The following CROCC variants were observed in gnomAD, a reference collection of about 807,000 sequenced individuals.
The protein encoded by CROCC is rootletin.
CROCC carries 180 observed loss-of-function variants against 245.2 expected under a neutral mutation model. The observed-to-expected ratio is 0.73, with a 90% CI of 0.65 to 0.83. The LOEUF is 0.83. Among genes scored for constraint, CROCC ranks in the 40% least tolerant of loss-of-function variants. The probability of loss-of-function intolerance (pLI) is 0.00; values close to 1 mark genes in which losing one functional copy is unlikely to be tolerated. For missense variants in CROCC, 2,688 were observed against 2,779.4 expected (o/e 0.97, Z 0.74); for synonymous variants, 1,205 against 1,241.6 (o/e 0.97, Z 0.62).
intron 13 of CROCC, among the ~76,000 whole-genome samples, chr1:16,942,949 TA>T (rs1229368706): frequency 1.6e-4 from 25 of 151,612 alleles, no homozygotes; most frequent in Middle Eastern, 3.4e-3. Flanking sequence ...CTACTAAAAA[TA>T]AAAAAAAATT....
Position 16,948,930 on chromosome 1 carries a change from C to T in CROCC, c.2836+4C>T, listed in dbSNP as rs76566785. ...CTGGCCAAGGAGACCCTGACTGGTACGAGGGGCTGGGGACTTGGGGGGAAC... is the reference window on the plus strand; with the variant it reads ...CTGGCCAAGGAGACCCTGACTGGTATGAGGGGCTGGGGACTTGGGGGGAAC... On this transcript the variant is annotated splice_donor_region_variant and intron_variant, in intron 19 of 36. Transcript: ENST00000375541. 3.7e-5 allele frequency: 59 copies of T among 1,611,002 alleles called. No homozygotes were observed. The highest frequency in any genetic ancestry group is 2.9e-4 in the East Asian group (13 of 44,892).
chr1:16,966,274 C>T lies in CROCC; in HGVS notation c.4697-134C>T, dbSNP rs1315092550. The T allele has an allele frequency of 1.4e-5, 20 of 1,428,332 alleles. No homozygotes were observed. Among genetic ancestry groups the T allele is most frequent in the Non-Finnish European group, 3.7e-6 (4 of 1,079,020 alleles). The allele number at this position is 1,428,332 out of a possible 1,614,324, so 88.5% of individuals were successfully genotyped here. A position where few individuals can be genotyped will look rare whatever the true frequency, so the allele number is the denominator to read the frequency against. On this transcript the variant is annotated intron_variant, in intron 29 of 36. Transcript: ENST00000375541. The surrounding 1 kb of genome is among the most constrained non-coding windows in gnomAD (Gnocchi z 4.8). ...CTCCTTGGACAGCCTCACCTGTGTG[C>T]AGGCCCGCATACTACGAAGGGTGCA... is the stretch of plus-strand genomic sequence containing the variant.
At chr1:16,921,346 C>A (rs1245488359), upstream of CROCC, among the ~76,000 whole-genome samples, 1 of 152,298 alleles carries the variant, frequency 6.6e-6, no homozygotes, top group Non-Finnish European at 1.5e-5. Context: ...TAGTTCGAGG[C>A]TCTACCACTG....
rs111474169 is a variant in CROCC, at chr1:16,953,383, C to G, written c.3088C>G (p.Arg1030Gly). 11 of 1,610,390 alleles carry G rather than the reference C, an allele frequency of 6.8e-6. No individual in the cohort carries two copies. Among genetic ancestry groups the G allele is most frequent in the South Asian group, 2.2e-5 (2 of 90,896 alleles). ...LQREQEELLARLEAEKEELSE... is the reference protein window; with the variant it reads ...LQREQEELLAGLEAEKEELSE... ...GCGTGAGCAGGAGGAGCTGCTGGCC[C>G]GGCTGGAGGCTGAGAAGGAAGAGCT... The change falls in exon 21 of 37, where the codon CGG becomes GGG. Residue 1030 changes from arginine to glycine, a missense_variant. Physicochemically the swap from Arg to Gly is moderately radical, Grantham distance 125. Coordinates refer to ENST00000375541, the MANE Select transcript of CROCC (RefSeq NM_014675.5).
At chr1:16,968,737 A>T (rs1305148034) in intron 31 of CROCC, among the ~76,000 whole-genome samples, 1 of 152,226 alleles carries the variant, frequency 6.6e-6, no homozygotes, top group African/African-American at 2.4e-5. Flanking sequence ...CTCTAACTGG[A>T]ATGTTAAATA....
intron 33 of CROCC, 120 bp downstream of exon 33, chr1:16,970,054 A>G: frequency 7.5e-7 from 1 of 1,333,304 alleles, no homozygotes; most frequent in East Asian, 2.5e-5. Flanking sequence ...GTAAGGAAAC[A>G]TGGTTCATTC....
intron 30 of CROCC, among the ~76,000 whole-genome samples, chr1:16,967,144 A>G (rs1333608006): frequency 6.6e-6 from 1 of 152,190 alleles, no homozygotes; most frequent in Non-Finnish European, 1.5e-5. Context: ...CCTAATCTGT[A>G]AAAGGAGGAG....
chr1:16,969,628 T>A (rs1406239030), intron 32 of CROCC, among the ~76,000 whole-genome samples, 157 bp from the exon 33 acceptor site: 1 of 152,138 alleles, frequency 6.6e-6, no homozygotes, highest in Non-Finnish European at 1.5e-5. Flanking sequence ...CTTATGCAGG[T>A]CAGTGGATAG....
At chr1:16,927,478 G>A (rs572982549) in intron 3 of CROCC, among the ~76,000 whole-genome samples, 155 of 152,266 alleles carry the variant, frequency 1.0e-3, no homozygotes, top group African/African-American at 3.7e-3. Flanking sequence ...TTGCCTCACC[G>A]ACACACAGAC....
chr1:16,944,006 AG>A (rs2100446618), intron 13 of CROCC, 93 bp from the exon 14 acceptor site: 1 of 1,289,446 alleles, frequency 7.8e-7, no homozygotes, highest in East Asian at 2.6e-5. Context: ...GGAAGACTGG[AG>A]GATGTAGCTC....
At chr1:16,971,882 T>G (rs1255809882) in intron 36 of CROCC, among the ~76,000 whole-genome samples, 1 of 152,214 alleles carries the variant, frequency 6.6e-6, no homozygotes, top group East Asian at 1.9e-4. Flanking sequence ...CAGGGTAGCC[T>G]TCTCCCTGGG....
At position 16,966,108 on chromosome 1, in the gene CROCC, A is replaced by C. The variant is rs558817306; in HGVS notation, c.4685A>C (p.Glu1562Ala). The part of the protein sequence containing the change: ...RARQLQKAVA[E>A]SEEARRSVDG... Reference sequence around the variant, plus strand: ...AGGCAGCTGCAGAAGGCGGTGGCTGAGAGTGAGGAAGGTGAGTCTGATCCT... The same window carrying C: ...AGGCAGCTGCAGAAGGCGGTGGCTGCGAGTGAGGAAGGTGAGTCTGATCCT... The change falls in exon 29 of 37, where the codon GAG (glutamate) becomes GCG (alanine). Residue 1562 changes from glutamate to alanine, a missense_variant. Around this residue, in one of 9 missense-constraint regions of CROCC, gnomAD observed 1,218 missense variants for 1,286.3 expected, o/e 0.95. Coordinates refer to ENST00000375541, the MANE Select transcript of CROCC (RefSeq NM_014675.5). This position sits in a 1 kb window ranked among gnomAD's most constrained non-coding sequence, Gnocchi z 4.8. The C allele has an allele frequency of 4.0e-5, 65 of 1,611,470 alleles. No homozygotes were observed. Among genetic ancestry groups the C allele is most frequent in the South Asian group, 8.8e-5 (8 of 90,894 alleles).
At position 16,954,105 on chromosome 1, in the gene CROCC, A is replaced by G. The variant is rs111385468; in HGVS notation, c.3187-118A>G. On this transcript the variant is annotated intron_variant, in intron 21 of 36. Coordinates refer to ENST00000375541, the MANE Select transcript of CROCC (RefSeq NM_014675.5). The surrounding 1 kb of genome is among the most constrained non-coding windows in gnomAD (Gnocchi z 4.4). ...GCATGTCTGCCCTGGGTCCACCTGC[A>G]GTGGCACACTCAGGCCTCTAAGCCC... 0.048 allele frequency: 49,299 copies of G among 1,017,700 alleles called. 1,387 individuals are homozygous for G. Among genetic ancestry groups the G allele is most frequent in the African/African-American group, 0.14 (8,244 of 59,098 alleles). The allele number at this position is 1,017,700 out of a possible 1,614,324, so 63.0% of individuals were successfully genotyped here.
At chr1:16,934,892 C>CTTTTTTTTTTTT (rs556637657) in intron 8 of CROCC, among the ~76,000 whole-genome samples, 4 of 128,492 alleles carry the variant, frequency 3.1e-5, no homozygotes, top group Non-Finnish European at 3.3e-5. Context: ...TCAGCAGTTT[C>CTTTTTTTTTTTT]TTTTTTTTTT....
chr1:16,954,064 G>A lies in CROCC; in HGVS notation c.3187-159G>A. 4.5e-6 allele frequency: 3 copies of A among 662,514 alleles called. No homozygotes were observed. Among genetic ancestry groups the A allele is most frequent in the South Asian group, 4.5e-5 (2 of 44,422 alleles). The allele number at this position is 662,514 out of a possible 1,614,324, so 41.0% of individuals were successfully genotyped here. ...CCGGGATTCTTGTGACTGCCGTTGT[G>A]CCCTTTTCCAGGGCTGCATGTCTGC... On this transcript the variant is annotated intron_variant, in intron 21 of 36. Transcript: ENST00000375541. The surrounding 1 kb of genome is among the most constrained non-coding windows in gnomAD (Gnocchi z 4.4).
chr1:16,931,477 G>A (rs944183424), intron 8 of CROCC, 80 bp downstream of exon 8: 28 of 1,341,670 alleles, frequency 2.1e-5, no homozygotes, highest in Non-Finnish European at 2.9e-5. Context: ...TTGAATTTCA[G>A]TTCAACTCAA....
Position 16,966,128 on chromosome 1 carries a change from G to T in CROCC, c.4696+9G>T, listed in dbSNP as rs566162452. 2 of 1,605,552 alleles carry T rather than the reference G, an allele frequency of 1.2e-6. No individual in the cohort carries two copies. The highest frequency in any genetic ancestry group is 1.7e-6 in the Non-Finnish European group (2 of 1,174,018). On this transcript the variant is annotated intron_variant, in intron 29 of 36. Coordinates refer to ENST00000375541, the MANE Select transcript of CROCC (RefSeq NM_014675.5). The surrounding 1 kb of genome is among the most constrained non-coding windows in gnomAD (Gnocchi z 4.8). ...GGCTGAGAGTGAGGAAGGTGAGTCT[G>T]ATCCTCGGGGTCCCTGTTCTCTCTC...
intron 25 of CROCC, 132 bp from the exon 26 acceptor site, chr1:16,958,451 C>A: frequency 9.0e-7 from 1 of 1,115,948 alleles, no homozygotes; most frequent in Non-Finnish European, 1.3e-6. Context: ...GTGTAGGGGC[C>A]GGCTCCCAGT....
At chr1:16,922,606 G>T in intron 1 of CROCC, 57 bp from the exon 2 acceptor site, 1 of 1,537,764 alleles carries the variant, frequency 6.5e-7, no homozygotes, top group South Asian at 1.3e-5. Context: ...CTCTCCCCAC[G>T]AGGCCAGGGA....
Sources: gnomAD v4.1 joint callset for allele counts (sites outside exome capture counted in the v4.1 genomes callset) on GRCh38, gnomAD v4.1.1 for gene constraint, gnomAD v4.1.1 regional missense constraint, Gnocchi (gnomAD v3.1) non-coding constraint, MANE v1.5 for transcripts, NCBI Gene and HGNC (gene_info 2026-07-23, HGNC 2026-07-21) for gene names.